Variants in FSIP1 observed in about 807,000 individuals in gnomAD.
The protein encoded by FSIP1 is fibrous sheath-interacting protein 1.
FSIP1 carries 65 observed loss-of-function variants against 60.9 expected under a neutral mutation model. The ratio of observed to expected loss-of-function variants is 1.07; its 90% CI spans 0.87 to 1.31. The LOEUF is 1.31. FSIP1 is among the 40% of genes most tolerant of loss of function. The probability of loss-of-function intolerance (pLI) is 0.00; values close to 1 mark genes in which losing one functional copy is unlikely to be tolerated. For synonymous variants in FSIP1, 209 were observed against 221.2 expected, an observed-to-expected ratio of 0.94 and a Z score of 0.49; for missense variants, 675 against 665.5, an observed-to-expected ratio of 1.01 and a Z score of -0.16.
chr15:39,683,316 C>A (rs746720213), intron 10 of FSIP1, among the ~76,000 whole-genome samples: 6 of 151,840 alleles, frequency 4.0e-5, no homozygotes, highest in Non-Finnish European at 8.8e-5. Flanking sequence ...ACCAGATTAT[C>A]AGATTAAAAG....
Position 39,741,856 on chromosome 15 carries a change from TA to T in FSIP1, c.603del (p.His201GlnfsTer30), listed in dbSNP as rs1896814003. ...EEEDTFSSVF[H>X]TQIPPEEYEM... Reference sequence around the variant, plus strand: ...TCATATTCTTCTGGAGGGATTTGAGTATGAAACACTGAGGAAAAGGTGTCTT... The same window carrying T: ...TCATATTCTTCTGGAGGGATTTGAGTTGAAACACTGAGGAAAAGGTGTCTT... On this transcript the variant is annotated frameshift_variant, in exon 6 of 12. Transcript: ENST00000350221. LOFTEE classifies it high-confidence loss of function. The T allele has an allele frequency of 1.2e-6, 2 of 1,607,206 alleles. No homozygotes were observed. Among genetic ancestry groups the T allele is most frequent in the African/African-American group, 2.7e-5 (2 of 74,804 alleles).
intron 10 of FSIP1, among the ~76,000 whole-genome samples, chr15:39,689,065 T>C (rs935470510): frequency 6.6e-6 from 1 of 152,014 alleles, no homozygotes; most frequent in East Asian, 1.9e-4. Flanking sequence ...AAATCAGAGG[T>C]TCCCATGATC....
Position 39,713,552 on chromosome 15 carries a change from C to T in FSIP1, c.1080G>A (p.Met360Ile). 1 of 1,600,396 alleles carries T rather than the reference C, an allele frequency of 6.2e-7. No individual in the cohort carries two copies. The highest frequency in any genetic ancestry group is 8.5e-7 in the Non-Finnish European group (1 of 1,174,388). ...GTATCTTTTCTCCTGGAGTTACTTC[C>T]ATATTTCTTTCACCATCACGGTCAG... ...QKPDRDGERN[M>I]EVTPGEKILR... The change falls in exon 10 of 12, where the codon ATG (methionine) becomes ATA (isoleucine). Residue 360 changes from methionine (M) to isoleucine (I), a missense_variant. Coordinates refer to ENST00000350221, the MANE Select transcript of FSIP1 (RefSeq NM_152597.5).
intron 10 of FSIP1, among the ~76,000 whole-genome samples, chr15:39,629,807 A>G (rs1566859462): frequency 6.6e-6 from 1 of 152,242 alleles, no homozygotes; most frequent in Non-Finnish European, 1.5e-5. Flanking sequence ...GCTGGATGAT[A>G]GAAAGATATT....
chr15:39,644,094 A>G (rs1892486625), intron 10 of FSIP1, among the ~76,000 whole-genome samples: 1 of 152,220 alleles, frequency 6.6e-6, no homozygotes, highest in South Asian at 2.1e-4. Flanking sequence ...TCAGACACCC[A>G]GTTACACTTT....
intron 10 of FSIP1, among the ~76,000 whole-genome samples, chr15:39,694,169 A>ATT (rs558053734): frequency 2.7e-5 from 4 of 146,384 alleles, no homozygotes; most frequent in Admixed American, 6.8e-5. Context: ...CAAGAGATTT[A>ATT]TTTTTTTTTT....
At position 39,644,252 on chromosome 15, in the gene FSIP1, C is replaced by G. The variant is rs142763501; in HGVS notation, c.1189-26007G>C. Among the ~76,000 whole-genome samples the G allele has an allele frequency of 3.7e-3, 570 of 152,322 alleles. 4 individuals carry two copies. Among genetic ancestry groups the G allele is most frequent in the African/African-American group, 0.013 (546 of 41,566 alleles). On this transcript the variant is annotated intron_variant, in intron 10 of 11. Coordinates refer to ENST00000350221, the MANE Select transcript of FSIP1 (RefSeq NM_152597.5). ...CGACTGTCCCGAACACTTCCCCTCG[C>G]TACAGGAAAATGCATTAACTTCCAG...
intron 5 of FSIP1, among the ~76,000 whole-genome samples, chr15:39,758,483 T>C (rs1897372656): frequency 6.6e-6 from 1 of 151,890 alleles, no homozygotes; most frequent in Non-Finnish European, 1.5e-5. Flanking sequence ...CAGAATCTCA[T>C]TCCTGACACT....
intron 4 of FSIP1, 120 bp downstream of exon 4, chr15:39,765,472 G>C: frequency 1.5e-6 from 1 of 647,050 alleles, no homozygotes; most frequent in Non-Finnish European, 2.5e-6. Flanking sequence ...TCAAACTCCT[G>C]GCCTCAAGCA....
At chr15:39,606,744 C>T (rs138384284) in intron 11 of FSIP1, among the ~76,000 whole-genome samples, 2,124 of 152,080 alleles carry the variant, frequency 0.014, 26 homozygotes, top group Non-Finnish European at 0.022. Flanking sequence ...ATTTTGTGTC[C>T]GTTTTTGCCC....
At chr15:39,767,701 C>T (rs1897740063) in intron 3 of FSIP1, among the ~76,000 whole-genome samples, 1 of 152,162 alleles carries the variant, frequency 6.6e-6, no homozygotes, top group African/African-American at 2.4e-5. Context: ...GACTACGGAA[C>T]GATGCAGATG....
chr15:39,701,906 T>C (rs184589374), intron 10 of FSIP1, among the ~76,000 whole-genome samples: 48 of 152,300 alleles, frequency 3.2e-4, no homozygotes, highest in African/African-American at 1.0e-3. Flanking sequence ...TACGTTTAAA[T>C]TATTGTGTTC....
At position 39,612,228 on chromosome 15, in the gene FSIP1, T is replaced by C. The variant is rs139384283; in HGVS notation, c.1699+5507A>G. ...AATACACATTCTTCTCAAGCACACATGGGACATTCTCCAGGATAGGCCACA... is the reference window on the plus strand; with the variant it reads ...AATACACATTCTTCTCAAGCACACACGGGACATTCTCCAGGATAGGCCACA... On this transcript the variant is annotated intron_variant, in intron 11 of 11. Transcript: ENST00000350221. 4.2e-3 allele frequency among the ~76,000 whole-genome samples: 637 copies of C among 152,250 alleles called. 2 individuals are homozygous for C. The highest frequency in any genetic ancestry group is 0.014 in the African/African-American group (573 of 41,550).
intron 5 of FSIP1, among the ~76,000 whole-genome samples, chr15:39,746,878 C>T (rs958600940): frequency 3.3e-5 from 5 of 152,096 alleles, no homozygotes; most frequent in African/African-American, 9.7e-5. Context: ...AGAAAACCAA[C>T]GTGAGAGTGT....
chr15:39,765,239 TTC>T (rs1260386605), intron 4 of FSIP1, among the ~76,000 whole-genome samples: 1 of 129,862 alleles, frequency 7.7e-6, no homozygotes, highest in Non-Finnish European at 1.6e-5. Context: ...AGGAAATTCT[TTC>T]TTTTTTTTTT....
chr15:39,708,559 A>G (rs1555394268), intron 10 of FSIP1, among the ~76,000 whole-genome samples: 1 of 152,064 alleles, frequency 6.6e-6, no homozygotes, highest in Non-Finnish European at 1.5e-5. Context: ...ACCATCTGTG[A>G]TTTTTCTACC....
intron 10 of FSIP1, among the ~76,000 whole-genome samples, chr15:39,676,845 T>C (rs1272329877): frequency 6.6e-6 from 1 of 152,250 alleles, no homozygotes; most frequent in Middle Eastern, 3.2e-3. Context: ...TATAGGTATT[T>C]AGATTCCATT....
At chr15:39,674,268 A>C (rs1309682205) in intron 10 of FSIP1, among the ~76,000 whole-genome samples, 4 of 152,182 alleles carry the variant, frequency 2.6e-5, no homozygotes, top group South Asian at 2.1e-4. Context: ...GTTAGCCAGG[A>C]TGGTCTTGAT....
intron 9 of FSIP1, among the ~76,000 whole-genome samples, chr15:39,714,523 T>C (rs889988404): frequency 3.3e-5 from 5 of 150,752 alleles, no homozygotes; most frequent in South Asian, 2.1e-4. Flanking sequence ...AATACCTCTC[T>C]AATCAAGGCA....
Sources: allele counts gnomAD v4.1 joint callset (sites outside exome capture counted in the v4.1 genomes callset), GRCh38; gene constraint gnomAD v4.1.1; transcripts MANE v1.5; gene names NCBI Gene and HGNC (gene_info 2026-07-23, HGNC 2026-07-21).